DCAF6: variants seen among roughly 807,000 people sequenced by gnomAD.
DCAF6 encodes the protein DDB1- and CUL4-associated factor 6.
In DCAF6, 54 loss-of-function variants were observed where a neutral mutation model predicts 125.1. The ratio of observed to expected loss-of-function variants is 0.43; its 90% confidence interval spans 0.35 to 0.54. DCAF6 has a LOEUF of 0.54. Among genes scored for constraint, DCAF6 ranks in the 20% least tolerant of loss-of-function variants. The pLI is 0.01. For synonymous variants in DCAF6, 371 were observed against 390.4 expected, an observed-to-expected ratio of 0.95 and a Z score of 0.58; for missense variants, 934 against 1,161.7, an observed-to-expected ratio of 0.80 and a Z score of 2.85.
chr1:167,936,325 C>T (rs1052652437), upstream of DCAF6: 2 of 183,232 alleles, frequency 1.1e-5, no homozygotes, highest in African/African-American at 4.8e-5. Context: ...TTAAGCAGGC[C>T]CGTAGTTAAA....
At chr1:167,994,336 T>G (rs1681318779) in intron 7 of DCAF6, among the ~76,000 whole-genome samples, 1 of 152,084 alleles carries the variant, frequency 6.6e-6, no homozygotes, top group Non-Finnish European at 1.5e-5. Flanking sequence ...GAAAAGGCGA[T>G]TAAAATAATA....
At chr1:168,008,775 T>C (rs1683726802) in intron 10 of DCAF6, among the ~76,000 whole-genome samples, 1 of 151,844 alleles carries the variant, frequency 6.6e-6, no homozygotes, top group Non-Finnish European at 1.5e-5. Context: ...TGTTACACTC[T>C]AGATGTACTA....
intron 12 of DCAF6, among the ~76,000 whole-genome samples, chr1:168,028,791 A>G (rs61212424): frequency 0.021 from 3,169 of 152,254 alleles, 102 homozygotes; most frequent in African/African-American, 0.07. Context: ...TTTTAGTACT[A>G]TTATCTAATA....
chr1:167,946,665 A>G (rs1190790613), intron 1 of DCAF6, among the ~76,000 whole-genome samples: 1 of 152,176 alleles, frequency 6.6e-6, no homozygotes, highest in Non-Finnish European at 1.5e-5. Flanking sequence ...GATATGATGT[A>G]TCACATTTAT....
At position 168,002,700 on chromosome 1, in the gene DCAF6, T is replaced by A. The variant is rs117253811; in HGVS notation, c.997+125T>A. 821 of 617,230 alleles carry A rather than the reference T, an allele frequency of 1.3e-3. 11 individuals carry two copies. The highest frequency in any genetic ancestry group is 0.013 in the Admixed American group (374 of 29,314). The allele number at this position is 617,230 out of a possible 1,614,324, so 38.2% of individuals were successfully genotyped here. On this transcript the variant is annotated intron_variant, in intron 8 of 21. Coordinates refer to ENST00000367840, the MANE Select transcript of DCAF6 (RefSeq NM_001198956.2). ...ATTCTTATACATATAGGTATACTTA[T>A]GCAAATATATCTTAGGATAAATTCT...
At chr1:168,008,221 G>T (rs906848938) in intron 10 of DCAF6, among the ~76,000 whole-genome samples, 4 of 151,756 alleles carry the variant, frequency 2.6e-5, no homozygotes, top group Non-Finnish European at 5.9e-5. Flanking sequence ...CATCCGCCTC[G>T]GCCTCCCAAA....
intron 12 of DCAF6, chr1:168,023,917 AT>A (rs1685982493): frequency 6.6e-6 from 1 of 152,308 alleles, no homozygotes; most frequent in Admixed American, 6.5e-5. Context: ...CACTTTCTCT[AT>A]TTAAAAAGGC....
chr1:168,055,018 C>T (rs1232819945), intron 17 of DCAF6, among the ~76,000 whole-genome samples: 1 of 152,012 alleles, frequency 6.6e-6, no homozygotes, highest in Non-Finnish European at 1.5e-5. Flanking sequence ...GGGTTTTTAA[C>T]TTGATATACT....
the DCAF6 span, chr1:167,899,281 C>G: frequency 1.2e-6 from 1 of 815,110 alleles, no homozygotes; most frequent in Non-Finnish European, 2.1e-6. Context: ...GGACTAAAGC[C>G]TCTGTAGCCT....
intron 13 of DCAF6, among the ~76,000 whole-genome samples, chr1:168,042,016 T>G (rs1454555924): frequency 6.6e-6 from 1 of 151,856 alleles, no homozygotes; most frequent in Admixed American, 6.6e-5. Flanking sequence ...GACATTTTTC[T>G]CTGCATATAT....
the DCAF6 span, among the ~76,000 whole-genome samples, chr1:167,876,520 C>T: frequency 6.6e-6 from 1 of 152,122 alleles, no homozygotes; most frequent in Non-Finnish European, 1.5e-5. Flanking sequence ...ATCAAAGGTT[C>T]CCATGTAACA....
At chr1:167,887,616 G>C in the DCAF6 span, among the ~76,000 whole-genome samples, 2 of 151,948 alleles carry the variant, frequency 1.3e-5, no homozygotes, top group Non-Finnish European at 2.9e-5. Context: ...AATGGGTGCA[G>C]CATACCAACA....
At chr1:167,871,874 G>A in the DCAF6 span, among the ~76,000 whole-genome samples, 1 of 152,160 alleles carries the variant, frequency 6.6e-6, no homozygotes, top group Non-Finnish European at 1.5e-5. Flanking sequence ...GATGTTTTGT[G>A]TTTTTCTTTG....
At chr1:168,045,462 T>G (rs151099453) in intron 16 of DCAF6, among the ~76,000 whole-genome samples, 54 of 152,352 alleles carry the variant, frequency 3.5e-4, no homozygotes, top group African/African-American at 1.2e-3. Context: ...TCTCTAGCAC[T>G]GAGGCTTGCT....
At chr1:168,004,403 G>A (rs540833483) in intron 9 of DCAF6, 130 bp from the exon 10 acceptor site, 3 of 1,027,410 alleles carry the variant, frequency 2.9e-6, no homozygotes, top group African/African-American at 1.6e-5. Flanking sequence ...CAAATCACCA[G>A]TAGTTATTAT....
intron 12 of DCAF6, among the ~76,000 whole-genome samples, chr1:168,026,850 T>G (rs1686406994): frequency 6.6e-6 from 1 of 152,034 alleles, no homozygotes; most frequent in Non-Finnish European, 1.5e-5. Flanking sequence ...CATTAGTTTA[T>G]AGATAGCAGT....
Position 168,040,462 on chromosome 1 carries a change from A to G in DCAF6, c.1727+1974A>G, listed in dbSNP as rs187997281. Among the ~76,000 whole-genome samples the G allele has an allele frequency of 4.4e-4, 67 of 151,952 alleles. No homozygotes were observed. In the East Asian group the frequency reaches 0.01, roughly 23 times the overall value. On this transcript the variant is annotated intron_variant, in intron 13 of 21. Coordinates refer to ENST00000367840, the MANE Select transcript of DCAF6 (RefSeq NM_001198956.2). ...GGTGAGAGGTGGTGGTGGCTTAGAC[A>G]AGGATGGGAGCAGTGGAGGTGGTTT...
intron 11 of DCAF6, among the ~76,000 whole-genome samples, chr1:168,020,729 C>G (rs1228895527): frequency 6.6e-6 from 1 of 151,910 alleles, no homozygotes; most frequent in Non-Finnish European, 1.5e-5. Flanking sequence ...TAAATATTAG[C>G]TATTCTAATG....
chr1:167,916,581 G>A, the DCAF6 span: 9 of 150,158 alleles, frequency 6.0e-5, no homozygotes, highest in African/African-American at 2.2e-4. Context: ...AGCATGTGAT[G>A]GTTGTTTGTC....
Sources: allele counts gnomAD v4.1 joint callset (sites outside exome capture counted in the v4.1 genomes callset), GRCh38; gene constraint gnomAD v4.1.1; transcripts MANE v1.5; gene names NCBI Gene and HGNC (gene_info 2026-07-23, HGNC 2026-07-21).